Variants in BTG4 observed in about 807,000 individuals in gnomAD.
The protein encoded by BTG4 is BTG anti-proliferation factor 4, also known as protein BTG4.
A neutral mutation model predicts 19.3 loss-of-function variants in BTG4; 10 were observed. The observed-to-expected ratio is 0.52, with a 90% confidence interval of 0.32 to 0.88. BTG4 has a LOEUF of 0.88. BTG4 is among the 40% of genes least tolerant of loss of function. BTG4 has a pLI of 0.04. For missense variants in BTG4, 238 were observed against 281.9 expected (o/e 0.84, Z 1.11); for synonymous variants, 91 against 95.7 (o/e 0.95, Z 0.29).
At chr11:111,428,342 A>G in the BTG4 span, among the ~76,000 whole-genome samples, 2 of 152,094 alleles carry the variant, frequency 1.3e-5, no homozygotes, top group Non-Finnish European at 2.9e-5. Flanking sequence ...AAGTCCCCCA[A>G]TTCAGTCCCT....
chr11:111,496,859 T>C lies in BTG4; in HGVS notation c.510+352A>G, dbSNP rs1221332877. ...CCTTTGACCTTTCCTATATCCAAAT[T>C]TTCTATAAATGCCGTGGTATTTTCA... is the stretch of plus-strand genomic sequence containing the variant. On this transcript the variant is annotated intron_variant, in intron 4 of 4. Coordinates refer to ENST00000692032, the MANE Select transcript of BTG4 (RefSeq NM_001367975.1). 2.9e-5 allele frequency: 8 copies of C among 280,626 alleles called. No homozygotes were observed. In the East Asian group the frequency reaches 4.6e-4, roughly 16 times the overall value. 17.4% of individuals were successfully genotyped at this position (280,626 alleles called of 1,614,324 possible).
chr11:111,453,113 G>T, the BTG4 span, among the ~76,000 whole-genome samples: 1 of 152,260 alleles, frequency 6.6e-6, no homozygotes, highest in South Asian at 2.1e-4. Context: ...AAAATGGGAT[G>T]GCCTCCAGGC....
the BTG4 span, among the ~76,000 whole-genome samples, chr11:111,432,090 A>C: frequency 6.6e-6 from 1 of 152,222 alleles, no homozygotes; most frequent in African/African-American, 2.4e-5. Flanking sequence ...TTCCTTTGAC[A>C]TTTGATTCAT....
At chr11:111,507,367 TTTTG>T (rs749037447) in intron 1 of BTG4, among the ~76,000 whole-genome samples, 30 of 152,134 alleles carry the variant, frequency 2.0e-4, no homozygotes, top group Non-Finnish European at 3.8e-4. Flanking sequence ...GGTTTTTGTT[TTTTG>T]TTTTTTTGTT....
At chr11:111,391,486 G>A in the BTG4 span, among the ~76,000 whole-genome samples, 4 of 152,290 alleles carry the variant, frequency 2.6e-5, no homozygotes, top group East Asian at 3.9e-4. Context: ...CTCAGGTTAC[G>A]CAGAACCTAG....
intron 1 of BTG4, among the ~76,000 whole-genome samples, chr11:111,510,637 C>CT (rs113662105): frequency 2.4e-3 from 341 of 144,158 alleles, no homozygotes; most frequent in East Asian, 3.8e-3. Context: ...AACAAGCATT[C>CT]TTTTTTTTTT....
the BTG4 span, among the ~76,000 whole-genome samples, chr11:111,444,287 G>A: frequency 6.8e-6 from 1 of 147,534 alleles, no homozygotes; most frequent in East Asian, 2.1e-4. Flanking sequence ...GGAGAGAAGG[G>A]GAGGGGAAGG....
upstream of BTG4, chr11:111,513,290 T>C (rs2093028586): frequency 4.3e-6 from 2 of 462,000 alleles, no homozygotes; most frequent in East Asian, 1.3e-4. Flanking sequence ...CGGTTAATAC[T>C]GTATGCTGTG....
chr11:111,480,718 T>C (rs1436831215), intron 5 of BTG4, among the ~76,000 whole-genome samples: 1 of 151,610 alleles, frequency 6.6e-6, no homozygotes, highest in Non-Finnish European at 1.5e-5. Context: ...GTTAAAGAAG[T>C]CTTAGGGAAA....
In BTG4 at chr11:111,495,118, C is replaced by T. The variant is rs763061244; in HGVS notation, c.*17G>A. ...CACTCCTCTGAGCTCTTGCCCACCA[C>T]GTGCCCAGTCGCTGCGTCATCGGTG... On this transcript the variant is annotated 3_prime_UTR_variant, in exon 5 of 5. Coordinates refer to ENST00000692032, the MANE Select transcript of BTG4 (RefSeq NM_001367975.1). 310 of 1,514,986 alleles carry T rather than the reference C, an allele frequency of 2.0e-4. No individual in the cohort carries two copies. Among genetic ancestry groups the T allele is most frequent in the Non-Finnish European group, 9.3e-5 (106 of 1,133,856 alleles). The allele number at this position is 1,514,986 out of a possible 1,614,324, so 93.8% of individuals were successfully genotyped here.
the BTG4 span, among the ~76,000 whole-genome samples, chr11:111,392,164 A>ATTT: frequency 3.2e-4 from 17 of 52,480 alleles, no homozygotes; most frequent in African/African-American, 5.9e-4. Context: ...TTTTCCTGTG[A>ATTT]TTTTCTTTTT....
chr11:111,440,892 G>A, the BTG4 span, among the ~76,000 whole-genome samples: 3 of 152,330 alleles, frequency 2.0e-5, no homozygotes, highest in African/African-American at 7.2e-5. Flanking sequence ...GGGACAAGGA[G>A]AGTGAGGAGG....
At chr11:111,412,482 A>G in the BTG4 span, among the ~76,000 whole-genome samples, 7 of 152,216 alleles carry the variant, frequency 4.6e-5, no homozygotes, top group Non-Finnish European at 8.8e-5. Context: ...TGATGCTGAC[A>G]CGGCTTTTCT....
At position 111,494,847 on chromosome 11, in the gene BTG4, TA is replaced by T; in HGVS notation, c.*287del. On this transcript the variant is annotated 3_prime_UTR_variant, in exon 5 of 5. Coordinates refer to ENST00000692032, the MANE Select transcript of BTG4 (RefSeq NM_001367975.1). ...AACACTGTACGTTTATTTAAACCAT[TA>T]CTTTTCATAATTCATTGAGTCTTAT... 1 of 968,272 alleles carries T rather than the reference TA, an allele frequency of 1.0e-6. No individual in the cohort carries two copies. Among genetic ancestry groups the T allele is most frequent in the African/African-American group, 1.8e-5 (1 of 56,986 alleles). 60.0% of individuals were successfully genotyped at this position (968,272 alleles called of 1,614,324 possible).
rs549968384 is a variant in BTG4, at chr11:111,478,184, G to T, written c.663-10503C>A. Reference sequence around the variant, plus strand: ...GTAGAGAGTTAGGGCTTATGCCATTGTCCAGTGATAATGAGGCCACCCTGG... The same window carrying T: ...GTAGAGAGTTAGGGCTTATGCCATTTTCCAGTGATAATGAGGCCACCCTGG... On this transcript the variant is annotated intron_variant, in intron 5 of 5. Transcript: ENST00000356018. 1.4e-3 allele frequency among the ~76,000 whole-genome samples: 207 copies of T among 152,268 alleles called. 3 individuals are homozygous for T. Among genetic ancestry groups the T allele is most frequent in the South Asian group, 5.8e-3 (28 of 4,828 alleles).
the BTG4 span, among the ~76,000 whole-genome samples, chr11:111,400,817 TAGTGA>T: frequency 1.6e-4 from 24 of 152,150 alleles, no homozygotes; most frequent in African/African-American, 5.8e-4. Context: ...TGACAGGATG[TAGTGA>T]GAAGCCTGCT....
the BTG4 span, chr11:111,434,869 C>T: frequency 6.6e-6 from 1 of 152,172 alleles, no homozygotes; most frequent in African/African-American, 2.4e-5. Flanking sequence ...AAGCCCTGAA[C>T]AATGCCTTCA....
chr11:111,445,610 G>A, the BTG4 span, among the ~76,000 whole-genome samples: 106,731 of 152,130 alleles, frequency 0.7, 37,698 homozygotes, highest in African/African-American at 0.77. Flanking sequence ...CTCTGAGGCA[G>A]GACATTTCAA....
chr11:111,397,116 G>A, the BTG4 span: 2 of 152,266 alleles, frequency 1.3e-5, no homozygotes, highest in South Asian at 2.1e-4. Context: ...TTTTCCCTAA[G>A]CAAACATTTG....
Sources: allele counts gnomAD v4.1 joint callset (sites outside exome capture counted in the v4.1 genomes callset), GRCh38; gene constraint gnomAD v4.1.1; transcripts MANE v1.5; gene names NCBI Gene and HGNC (gene_info 2026-07-23, HGNC 2026-07-21).